The following TACC1 variants were observed in gnomAD, a reference collection of about 807,000 sequenced individuals.
TACC1 encodes transforming acidic coiled-coil containing protein 1.
TACC1 carries 48 observed loss-of-function variants against 84.4 expected under a neutral mutation model. The observed-to-expected ratio is 0.57, with a 90% CI of 0.45 to 0.72. The LOEUF is 0.72. Ranked by LOEUF, TACC1 falls within the 30% of genes least tolerant of loss-of-function variation. The probability of loss-of-function intolerance (pLI) is 0.00; values close to 1 mark genes in which losing one functional copy is unlikely to be tolerated. For missense variants in TACC1, 920 were observed against 973.0 expected, an observed-to-expected ratio of 0.95 and a Z score of 0.72; for synonymous variants, 372 against 376.3, an observed-to-expected ratio of 0.99 and a Z score of 0.13.
At chr8:38,752,134 AC>A (rs1183589155) in intron 3 of TACC1, among the ~76,000 whole-genome samples, 1 of 152,158 alleles carries the variant, frequency 6.6e-6, no homozygotes, top group Non-Finnish European at 1.5e-5. Flanking sequence ...TTGAGTTTCA[AC>A]AGCTTAAATT....
At chr8:38,742,500 A>C in intron 2 of TACC1, 1 of 1,375,348 alleles carries the variant, frequency 7.3e-7, no homozygotes, top group Non-Finnish European at 9.8e-7. Flanking sequence ...ATTTTAAAGT[A>C]AAAATTTTTA....
rs778485719 is a variant in TACC1 at position 38,838,447 on chromosome 8, A to G, written c.1840-23A>G. The G allele has an allele frequency of 5.7e-6, 9 of 1,582,148 alleles. No individual in the cohort carries two copies. In the Admixed American group the frequency reaches 1.5e-4, roughly 27 times the overall value. ...ATGCAAATTGTAATAGATTGGGTAA[A>G]ACTAAGCTTTATTGTACTCTAGATA... is the stretch of plus-strand genomic sequence containing the variant. On this transcript the variant is annotated intron_variant, in intron 7 of 12. Transcript: ENST00000317827.
intron 12 of TACC1, among the ~76,000 whole-genome samples, chr8:38,847,468 T>G (rs1032117885): frequency 6.6e-6 from 1 of 152,248 alleles, no homozygotes; most frequent in Non-Finnish European, 1.5e-5. Context: ...TTTATATGTC[T>G]CCGGTGTATT....
At chr8:38,731,737 A>AAAAAACAACAAC (rs1804955553) in intron 1 of TACC1, among the ~76,000 whole-genome samples, 1 of 133,034 alleles carries the variant, frequency 7.5e-6, no homozygotes, top group Non-Finnish European at 1.7e-5. Flanking sequence ...ATAAAACTGA[A>AAAAAACAACAAC]AACAACAACA....
intron 1 of TACC1, among the ~76,000 whole-genome samples, chr8:38,736,957 G>A (rs111573797): frequency 4.5e-4 from 68 of 152,246 alleles, no homozygotes; most frequent in African/African-American, 1.5e-3. Flanking sequence ...ATAGTGGGCC[G>A]CGATGAGGAC....
intron 2 of TACC1, among the ~76,000 whole-genome samples, chr8:38,802,648 T>C (rs1821670105): frequency 6.6e-6 from 1 of 152,352 alleles, no homozygotes; most frequent in African/African-American, 2.4e-5. Context: ...CTCACAATTC[T>C]ATAGGCTGTA....
chr8:38,770,484 C>T (rs1160377996), intron 3 of TACC1, among the ~76,000 whole-genome samples: 1 of 151,990 alleles, frequency 6.6e-6, no homozygotes, highest in Non-Finnish European at 1.5e-5. Flanking sequence ...CTTTTTTGGT[C>T]CTAGTTGAGC....
chr8:38,832,282 T>C (rs1446251554), intron 6 of TACC1, among the ~76,000 whole-genome samples: 1 of 152,200 alleles, frequency 6.6e-6, no homozygotes, highest in East Asian at 1.9e-4. Flanking sequence ...CACTGTTGTG[T>C]TAGAATACAC....
At chr8:38,791,167 T>C (rs1395094814) in intron 2 of TACC1, among the ~76,000 whole-genome samples, 1 of 152,164 alleles carries the variant, frequency 6.6e-6, no homozygotes, top group Non-Finnish European at 1.5e-5. Context: ...TCTTTGCCAA[T>C]TGAATAGAGG....
At chr8:38,742,424 G>A (rs1437106312) in exon 2 of TACC1, 47 of 1,529,620 alleles carry the variant, frequency 3.1e-5, no homozygotes, top group Non-Finnish European at 4.1e-5. Context: ...AGTACACTGA[G>A]ATCAAATGCA....
chr8:38,778,173 T>C (rs1452464825), intron 3 of TACC1, among the ~76,000 whole-genome samples: 2 of 152,154 alleles, frequency 1.3e-5, no homozygotes, highest in Non-Finnish European at 2.9e-5. Context: ...CTCAAACTCC[T>C]GGGCTCAAGC....
At chr8:38,737,537 A>G (rs988701071) in intron 1 of TACC1, among the ~76,000 whole-genome samples, 3 of 152,112 alleles carry the variant, frequency 2.0e-5, no homozygotes, top group African/African-American at 7.2e-5. Flanking sequence ...ACCTTCTGCC[A>G]CAGGCTCCTT....
chr8:38,816,143 T>A (rs551984322), intron 2 of TACC1, among the ~76,000 whole-genome samples: 11 of 152,128 alleles, frequency 7.2e-5, no homozygotes, highest in Non-Finnish European at 1.6e-4. Flanking sequence ...AGAGGGGAAT[T>A]TGTGTTTCAG....
chr8:38,831,809 CTT>C (rs34500240), intron 6 of TACC1, among the ~76,000 whole-genome samples: 26 of 142,402 alleles, frequency 1.8e-4, no homozygotes, highest in East Asian at 4.1e-4. Flanking sequence ...TTACTCAGTT[CTT>C]TTTTTTTTTT....
intron 2 of TACC1, among the ~76,000 whole-genome samples, chr8:38,796,765 G>A (rs892067246): frequency 7.9e-5 from 12 of 152,250 alleles, no homozygotes; most frequent in African/African-American, 2.4e-4. Context: ...AGAAGAGGCA[G>A]GTGTGTGGAG....
At chr8:38,743,320 A>ATGAG (rs1340638555) in intron 2 of TACC1, among the ~76,000 whole-genome samples, 4 of 152,148 alleles carry the variant, frequency 2.6e-5, no homozygotes, top group African/African-American at 9.7e-5. Flanking sequence ...GAATGAATGA[A>ATGAG]TGAATAACTC....
intron 2 of TACC1, among the ~76,000 whole-genome samples, chr8:38,817,919 TAAAAAA>T (rs60301511): frequency 1.0e-4 from 5 of 47,798 alleles, no homozygotes; most frequent in African/African-American, 3.5e-4. Context: ...GAGAGACCCC[TAAAAAA>T]AAAAAAAAAA....
At chr8:38,787,849 CG>C in intron 1 of TACC1, 106 bp downstream of exon 1, 1 of 1,123,534 alleles carries the variant, frequency 8.9e-7, no homozygotes, top group Admixed American at 3.7e-5. Context: ...ACCGTCCTCA[CG>C]GCCGTGCCGC....
At chr8:38,835,549 C>G (rs1481493016) in intron 6 of TACC1, among the ~76,000 whole-genome samples, 1 of 152,202 alleles carries the variant, frequency 6.6e-6, no homozygotes, top group African/African-American at 2.4e-5. Context: ...TGGCACACAC[C>G]CAGCAGGCTG....
Sources: allele counts gnomAD v4.1 joint callset (sites outside exome capture counted in the v4.1 genomes callset), GRCh38; gene constraint gnomAD v4.1.1; transcripts MANE v1.5; gene names NCBI Gene and HGNC (gene_info 2026-07-23, HGNC 2026-07-21).